Variants in CELA2B observed in about 807,000 individuals in gnomAD.
CELA2B encodes the protein chymotrypsin like elastase 2B.
A neutral mutation model predicts 36.5 loss-of-function variants in CELA2B; 27 were observed. The ratio of observed to expected loss-of-function variants is 0.74; its 90% CI spans 0.55 to 1.02. The LOEUF is 1.02. Among genes scored for constraint, CELA2B ranks in the 50% least tolerant of loss-of-function variants. CELA2B has a pLI of 0.00. For synonymous variants in CELA2B, 143 were observed against 148.5 expected (o/e 0.96, Z 0.27); for missense variants, 340 against 347.8 (o/e 0.98, Z 0.18).
chr1:15,477,802 C>G (rs1708690390), intron 2 of CELA2B, among the ~76,000 whole-genome samples: 1 of 152,136 alleles, frequency 6.6e-6, no homozygotes, highest in Admixed American at 6.6e-5. Flanking sequence ...TCATTGGTTA[C>G]ATATTTAATC....
intron 2 of CELA2B, among the ~76,000 whole-genome samples, chr1:15,479,784 G>C (rs2103311767): frequency 6.6e-6 from 1 of 152,274 alleles, no homozygotes; most frequent in South Asian, 2.1e-4. Context: ...CTGACAGGAA[G>C]TGAAGGAAAG....
At position 15,487,498 on chromosome 1, in the gene CELA2B, G is replaced by T. The variant is rs1231693671; in HGVS notation, c.792+61G>T. On this transcript the variant is annotated intron_variant, in intron 7 of 7. Transcript: ENST00000375910. ...GACCTGCTCACCTGGCCTCGGGAGT[G>T]CCATGCCCACCTGGCGACTGAGAAC... The T allele has an allele frequency of 5.0e-6, 8 of 1,591,610 alleles. No homozygotes were observed. In the Admixed American group the frequency reaches 1.0e-4, roughly 20 times the overall value.
rs373407604 is a variant in CELA2B, at chr1:15,487,361, C to G, written c.716C>G (p.Ser239Trp). The change falls in exon 7 of 8, where the codon TCG becomes TGG. Residue 239 changes from serine to tryptophan, a missense_variant. Transcript: ENST00000375910. ...WEVHGIGSLTSVLGCNYYYKP... is the reference protein window; with the variant it reads ...WEVHGIGSLTWVLGCNYYYKP... Reference sequence around the variant, plus strand: ...GTGCATGGCATCGGCAGCCTCACGTCGGTCCTTGGTTGCAACTACTACTAC... The same window carrying G: ...GTGCATGGCATCGGCAGCCTCACGTGGGTCCTTGGTTGCAACTACTACTAC... The G allele has an allele frequency of 4.9e-5, 79 of 1,614,086 alleles. 1 individual carries two copies. The highest frequency in any genetic ancestry group is 6.3e-5 in the Non-Finnish European group (74 of 1,180,034).
rs1708801688 is a variant in CELA2B at position 15,486,112 on chromosome 1, G to T, written c.639+66G>T. On this transcript the variant is annotated intron_variant, in intron 6 of 7. Transcript: ENST00000375910. ...GTGGCTGGGGATGGGAAGAGGCTAT[G>T]GAAAACCATCCCTCCATAGGTCCAT... is the stretch of plus-strand genomic sequence containing the variant. 13 of 1,578,290 alleles carry T rather than the reference G, an allele frequency of 8.2e-6. No individual in the cohort carries two copies. The South Asian group carries it at 1.5e-4, about 18-fold the overall frequency.
rs200158570 is a variant in CELA2B, at chr1:15,481,125, C to A, written c.157C>A (p.Gln53Lys). 1.5e-4 allele frequency: 237 copies of A among 1,613,102 alleles called. No individual in the cohort carries two copies. The highest frequency in any genetic ancestry group is 1.2e-3 in the East Asian group (55 of 44,884). ...QVSLQYSSNGQWYHTCGGSLI... is the reference protein window; with the variant it reads ...QVSLQYSSNGKWYHTCGGSLI... ...CTCCCTGCAGTACAGCTCCAATGGC[C>A]AGTGGTACCACACCTGCGGAGGGTC... The change falls in exon 3 of 8, where the codon CAG (glutamine) becomes AAG (lysine). Residue 53 changes from glutamine to lysine, a missense_variant. Coordinates refer to ENST00000375910, the MANE Select transcript of CELA2B (RefSeq NM_015849.3).
chr1:15,476,595 CA>C (rs1553137652), intron 2 of CELA2B, 50 bp downstream of exon 2: 2 of 1,550,446 alleles, frequency 1.3e-6, no homozygotes, highest in African/African-American at 2.7e-5. Context: ...ACTCCCTTTA[CA>C]TCCCCCCTTT....
chr1:15,480,525 C>T (rs188282006), intron 2 of CELA2B, among the ~76,000 whole-genome samples: 24 of 152,214 alleles, frequency 1.6e-4, no homozygotes, highest in Non-Finnish European at 3.2e-4. Flanking sequence ...AGGAAACTTA[C>T]AATCATGGCA....
At position 15,489,743 on chromosome 1, in the gene CELA2B, A is replaced by C. The variant is rs569594394; in HGVS notation, c.793-1552A>C. On this transcript the variant is annotated intron_variant, in intron 7 of 7. Coordinates refer to ENST00000375910, the MANE Select transcript of CELA2B (RefSeq NM_015849.3). ...TGAACTCCAGCAATCCTTAGTTTTT[A>C]TTCTTTTTCCAGAAGGTAATACATA... Among the ~76,000 whole-genome samples the C allele has an allele frequency of 2.0e-5, 3 of 152,368 alleles. No homozygotes were observed. In the East Asian group the frequency reaches 5.8e-4, roughly 29 times the overall value.
intron 4 of CELA2B, 81 bp downstream of exon 4, chr1:15,482,474 C>T (rs907987154): frequency 6.4e-7 from 1 of 1,566,894 alleles, no homozygotes; most frequent in Non-Finnish European, 8.8e-7. Flanking sequence ...GGTCTCAACC[C>T]CACCACACCC....
chr1:15,476,574 G>A (rs771440993), intron 2 of CELA2B, 29 bp downstream of exon 2: 17 of 1,600,884 alleles, frequency 1.1e-5, no homozygotes, highest in South Asian at 4.4e-5. Flanking sequence ...ACTTCTCCCC[G>A]TCCCTGCCCC....
chr1:15,477,367 T>C (rs1291764701), intron 2 of CELA2B, among the ~76,000 whole-genome samples: 1 of 152,230 alleles, frequency 6.6e-6, no homozygotes, highest in East Asian at 1.9e-4. Flanking sequence ...GGTGGGAATT[T>C]CAAAAGAAAT....
At chr1:15,482,913 G>A (rs1708759780) in intron 4 of CELA2B, among the ~76,000 whole-genome samples, 1 of 150,724 alleles carries the variant, frequency 6.6e-6, no homozygotes, top group African/African-American at 2.5e-5. Flanking sequence ...AGCCTCCAGA[G>A]TAGCTGGGAC....
At chr1:15,486,071 C>T (rs201229614) in intron 6 of CELA2B, 25 bp downstream of exon 6, 12 of 1,603,898 alleles carry the variant, frequency 7.5e-6, no homozygotes, top group African/African-American at 6.7e-5. Context: ...TCAGGGGCCC[C>T]GCTCCATGAC....
intron 7 of CELA2B, among the ~76,000 whole-genome samples, chr1:15,490,240 CTAT>C (rs1708862424): frequency 2.8e-5 from 4 of 142,802 alleles, no homozygotes; most frequent in African/African-American, 1.0e-4. Context: ...ATCTATCTAT[CTAT>C]CTATCTATCT....
At chr1:15,490,309 T>C (rs1432399551) in intron 7 of CELA2B, among the ~76,000 whole-genome samples, 1 of 152,198 alleles carries the variant, frequency 6.6e-6, no homozygotes, top group Non-Finnish European at 1.5e-5. Flanking sequence ...AACTAGGATC[T>C]GAGTCTTCAT....
intron 2 of CELA2B, among the ~76,000 whole-genome samples, chr1:15,477,784 C>G (rs1708690142): frequency 6.6e-6 from 1 of 152,158 alleles, no homozygotes; most frequent in South Asian, 2.1e-4. Context: ...TCTTTCTGAA[C>G]TCATATTTCA....
chr1:15,476,335 A>T, intron 1 of CELA2B, 122 bp from the exon 2 acceptor site: 1 of 1,390,728 alleles, frequency 7.2e-7, no homozygotes, highest in Non-Finnish European at 1.0e-6. Flanking sequence ...GAAGGATTTT[A>T]TGACCTCTTG....
chr1:15,487,324 G>C lies in CELA2B; in HGVS notation c.679G>C (p.Gly227Arg). 2 of 1,614,242 alleles carry C rather than the reference G, an allele frequency of 1.2e-6. No homozygotes were observed. The part of the protein sequence containing the change: ...GGPLNCQASD[G>R]RWEVHGIGSL... ...GCCGCTGAACTGTCAGGCATCTGAC[G>C]GCCGGTGGGAGGTGCATGGCATCGG... is the stretch of plus-strand genomic sequence containing the variant. The change falls in exon 7 of 8, where the codon GGC (glycine) becomes CGC (arginine). Residue 227 changes from glycine (G) to arginine (R), a missense_variant. Gly to Arg is a moderately radical substitution (Grantham distance 125, BLOSUM62 -2). Transcript: ENST00000375910.
In CELA2B at chr1:15,478,217, T is replaced by TATATATATATATATATATA. The variant is rs1491212485; in HGVS notation, c.129+1672_129+1673insATATATATATATATATATA. 7.7e-3 allele frequency among the ~76,000 whole-genome samples: 373 copies of TATATATATATATATATATA among 48,330 alleles called. 7 individuals are homozygous for TATATATATATATATATATA. The highest frequency in any genetic ancestry group is 0.027 in the African/African-American group (348 of 12,912). The allele number at this position is 48,330 out of a possible 152,430, so 31.7% of individuals were successfully genotyped here. A position where few individuals can be genotyped will look rare whatever the true frequency, so the allele number is the denominator to read the frequency against. ...AGGCTGAGGCATATATATATATATA[T>TATATATATATATATATATA]TGGGATATATAGTTTGTTTGTTTGT... On this transcript the variant is annotated intron_variant, in intron 2 of 7. Transcript: ENST00000375910.
Sources: gnomAD v4.1 joint callset for allele counts (sites outside exome capture counted in the v4.1 genomes callset) on GRCh38, gnomAD v4.1.1 for gene constraint, MANE v1.5 for transcripts, NCBI Gene and HGNC (gene_info 2026-07-23, HGNC 2026-07-21) for gene names.